The following CMTM7 variants were observed in gnomAD, a reference collection of about 807,000 sequenced individuals.
CMTM7 encodes the protein CKLF like MARVEL transmembrane domain containing 7.
Under a neutral mutation model 19.3 loss-of-function variants are expected in CMTM7, and 7 were observed. The observed-to-expected ratio is 0.36, with a 90% CI of 0.21 to 0.68. The LOEUF (loss-of-function observed/expected upper bound fraction) is 0.68, where lower values mean the gene tolerates loss of function less well. Ranked by LOEUF, CMTM7 falls within the 30% of genes least tolerant of loss-of-function variation. CMTM7 has a pLI of 0.60. For missense variants in CMTM7, 193 were observed against 232.6 expected (o/e 0.83, Z 1.11); for synonymous variants, 87 against 99.3 (o/e 0.88, Z 0.74).
chr3:32,452,326 A>G (rs1696849786), intron 3 of CMTM7, 66 bp from the exon 4 acceptor site: 1 of 1,613,068 alleles, frequency 6.2e-7, no homozygotes, highest in Admixed American at 1.7e-5. Flanking sequence ...GATGAGAAGC[A>G]GACAGGATTG....
At chr3:32,435,314 G>A (rs1488188780) in intron 1 of CMTM7, among the ~76,000 whole-genome samples, 2 of 152,236 alleles carry the variant, frequency 1.3e-5, no homozygotes, top group Admixed American at 1.3e-4. Flanking sequence ...TGAGGCAGGA[G>A]AATGGTGTGA....
intron 2 of CMTM7, among the ~76,000 whole-genome samples, chr3:32,446,364 G>T (rs1240644678): frequency 6.6e-6 from 1 of 151,962 alleles, no homozygotes; most frequent in East Asian, 1.9e-4. Context: ...TCTTTCGTTT[G>T]CATCTTCTCT....
chr3:32,407,183 C>G (rs1696102269), intron 1 of CMTM7, among the ~76,000 whole-genome samples: 1 of 152,158 alleles, frequency 6.6e-6, no homozygotes, highest in Non-Finnish European at 1.5e-5. Context: ...TGGGGACATA[C>G]AAATCTGACC....
intron 2 of CMTM7, among the ~76,000 whole-genome samples, chr3:32,445,439 T>C (rs1696739881): frequency 6.6e-6 from 1 of 152,224 alleles, no homozygotes; most frequent in African/African-American, 2.4e-5. Flanking sequence ...TTTTGTCAAA[T>C]GCTTTTTCCG....
At chr3:32,412,520 C>T (rs1417897480) in intron 1 of CMTM7, among the ~76,000 whole-genome samples, 1 of 75,652 alleles carries the variant, frequency 1.3e-5, no homozygotes, top group East Asian at 3.7e-4. Flanking sequence ...CACACACACA[C>T]ACACACACAC....
chr3:32,392,022 GC>G lies in CMTM7; in HGVS notation c.117del (p.Tyr40ThrfsTer9). 8.1e-7 allele frequency: 1 copy of G among 1,235,224 alleles called. No individual in the cohort carries two copies. The highest frequency in any genetic ancestry group is 1.0e-6 in the Non-Finnish European group (1 of 987,106). 76.5% of individuals were successfully genotyped at this position (1,235,224 alleles called of 1,614,324 possible). On this transcript the variant is annotated frameshift_variant, in exon 1 of 5. Coordinates refer to ENST00000334983, the MANE Select transcript of CMTM7 (RefSeq NM_138410.4). LOFTEE classifies it high-confidence loss of function. ...CCCTTGGAGGGGCTGCTGGACCTCA[GC>G]TACCCCCGCACCCACGCGGCCCTGC... ...ASPLEGLLDL[S>X]YPRTHAALLK...
At chr3:32,394,870 A>G (rs1018366935) in intron 1 of CMTM7, among the ~76,000 whole-genome samples, 2 of 151,480 alleles carry the variant, frequency 1.3e-5, no homozygotes, top group African/African-American at 4.9e-5. Context: ...TAATTTTTGT[A>G]TTTTTAGTAG....
chr3:32,429,419 G>T (rs548382491), intron 1 of CMTM7, among the ~76,000 whole-genome samples: 1 of 150,478 alleles, frequency 6.6e-6, no homozygotes, highest in Non-Finnish European at 1.5e-5. Context: ...TCAGCCTCCC[G>T]AGTAGCTGGG....
chr3:32,394,085 G>A (rs1169586588), intron 1 of CMTM7, among the ~76,000 whole-genome samples: 3 of 152,176 alleles, frequency 2.0e-5, no homozygotes, highest in Non-Finnish European at 4.4e-5. Flanking sequence ...ACTGCTGCAG[G>A]CTTGTTTGAT....
Position 32,391,891 on chromosome 3 carries a change from G to A in CMTM7, c.-16G>A. 2.5e-6 allele frequency: 3 copies of A among 1,211,606 alleles called. No individual in the cohort carries two copies. Among genetic ancestry groups the A allele is most frequent in the Admixed American group, 4.4e-5 (1 of 22,946 alleles). The allele number at this position is 1,211,606 out of a possible 1,614,324, so 75.1% of individuals were successfully genotyped here. A position where few individuals can be genotyped will look rare whatever the true frequency, so the allele number is the denominator to read the frequency against. On this transcript the variant is annotated 5_prime_UTR_variant, in exon 1 of 5. Coordinates refer to ENST00000334983, the MANE Select transcript of CMTM7 (RefSeq NM_138410.4). ...GCAGCTGCCCGGGGAGGCGGCCAGCGAGCTGGGGCCGCGCAATGTCGCACG... is the reference window on the plus strand; with the variant it reads ...GCAGCTGCCCGGGGAGGCGGCCAGCAAGCTGGGGCCGCGCAATGTCGCACG...
Position 32,426,099 on chromosome 3 carries a change from C to T in CMTM7, c.160-15741C>T, listed in dbSNP as rs111602845. 6.0e-3 allele frequency among the ~76,000 whole-genome samples: 921 copies of T among 152,242 alleles called. 5 individuals carry two copies. The highest frequency in any genetic ancestry group is 0.021 in the African/African-American group (871 of 41,526). On this transcript the variant is annotated intron_variant, in intron 1 of 4. Transcript: ENST00000334983. Reference sequence around the variant, plus strand: ...GGCAGAGTTTGCGGTGAGCCAAGATCGCACCATTGCACTCCAGCCTGGGCA... The same window carrying T: ...GGCAGAGTTTGCGGTGAGCCAAGATTGCACCATTGCACTCCAGCCTGGGCA...
At chr3:32,421,455 C>G (rs1696341858) in intron 1 of CMTM7, among the ~76,000 whole-genome samples, 1 of 152,190 alleles carries the variant, frequency 6.6e-6, no homozygotes, top group Non-Finnish European at 1.5e-5. Context: ...GGCTGTGTTC[C>G]CACTGCCAGA....
intron 1 of CMTM7, among the ~76,000 whole-genome samples, chr3:32,410,282 C>G (rs1696152398): frequency 6.6e-6 from 1 of 152,248 alleles, no homozygotes; most frequent in African/African-American, 2.4e-5. Flanking sequence ...TGCAGAGGGG[C>G]AGCCACCTTT....
chr3:32,414,097 C>T (rs1696222066), intron 1 of CMTM7, among the ~76,000 whole-genome samples: 1 of 152,152 alleles, frequency 6.6e-6, no homozygotes, highest in Admixed American at 6.5e-5. Flanking sequence ...GTTATGACTG[C>T]TCAAATCCTC....
chr3:32,404,588 C>T (rs762456972), intron 1 of CMTM7, among the ~76,000 whole-genome samples: 1 of 152,210 alleles, frequency 6.6e-6, no homozygotes, highest in Non-Finnish European at 1.5e-5. Flanking sequence ...GTTGTGGAGC[C>T]AGCATTTGAA....
intron 1 of CMTM7, among the ~76,000 whole-genome samples, chr3:32,428,498 G>C (rs1288783839): frequency 2.0e-5 from 3 of 152,230 alleles, no homozygotes; most frequent in African/African-American, 7.2e-5. Context: ...AAGGGTGTCT[G>C]TGAGATTCAG....
chr3:32,418,041 C>T (rs1419877425), intron 1 of CMTM7, among the ~76,000 whole-genome samples: 1 of 152,152 alleles, frequency 6.6e-6, no homozygotes, highest in African/African-American at 2.4e-5. Flanking sequence ...AGGCTGGTCT[C>T]GAACTCCTGG....
intron 1 of CMTM7, among the ~76,000 whole-genome samples, chr3:32,401,606 TTCC>T (rs1180346674): frequency 2.6e-5 from 4 of 152,266 alleles, no homozygotes; most frequent in African/African-American, 9.6e-5. Context: ...GCCCTGGCGC[TTCC>T]TGTGCAGCGC....
At chr3:32,426,869 GACCCAAGCTCA>G (rs1198655963) in intron 1 of CMTM7, among the ~76,000 whole-genome samples, 1 of 152,066 alleles carries the variant, frequency 6.6e-6, no homozygotes, top group Non-Finnish European at 1.5e-5. Flanking sequence ...GTGCCTTTTA[GACCCAAGCTCA>G]ACCATCAACC....
Sources: gnomAD v4.1 joint callset for allele counts (sites outside exome capture counted in the v4.1 genomes callset) on GRCh38, gnomAD v4.1.1 for gene constraint, MANE v1.5 for transcripts, NCBI Gene and HGNC (gene_info 2026-07-23, HGNC 2026-07-21) for gene names.